Variants in ANO10 observed in about 807,000 individuals in gnomAD.
ANO10 encodes the protein anoctamin-10.
Under a neutral mutation model 74.7 loss-of-function variants are expected in ANO10, and 77 were observed. That is an observed-to-expected ratio of 1.03 (90% CI 0.86 to 1.25). ANO10 has a LOEUF of 1.25. ANO10 is among the 50% of genes most tolerant of loss of function. The probability of loss-of-function intolerance (pLI) is 0.00; values close to 1 mark genes in which losing one functional copy is unlikely to be tolerated. For missense variants in ANO10, 721 were observed against 778.1 expected (o/e 0.93, Z 0.87); for synonymous variants, 279 against 284.9 (o/e 0.98, Z 0.21).
chr3:43,554,194 T>C (rs1292288700), intron 10 of ANO10, among the ~76,000 whole-genome samples: 1 of 151,150 alleles, frequency 6.6e-6, no homozygotes, highest in African/African-American at 2.4e-5. Flanking sequence ...TTCTTTTTTT[T>C]TTTTTTTTTC....
At chr3:43,572,613 G>T (rs1275844616) in intron 7 of ANO10, among the ~76,000 whole-genome samples, 3 of 152,150 alleles carry the variant, frequency 2.0e-5, no homozygotes, top group Non-Finnish European at 2.9e-5. Context: ...GGGTGAAGGG[G>T]ATTACCAATC....
At position 43,432,703 on chromosome 3, in the gene ANO10, T is replaced by A. The variant is rs753843286; in HGVS notation, c.1822A>T (p.Ile608Leu). The part of the protein sequence containing the change: ...VEHALLALKF[I>L]LAFAIPDKPR... ...TTATCAGGTATGGCAAATGCAAGTA[T>A]AAACTTTAAAGCCAGGAGTGCGTGC... Residue 608 changes from isoleucine (I) to leucine (L), a missense_variant, in exon 12 of 13, where the codon ATA becomes TTA. Ile to Leu is a conservative substitution (Grantham distance 5). Coordinates refer to ENST00000292246, the MANE Select transcript of ANO10 (RefSeq NM_018075.5). The A allele has an allele frequency of 1.9e-6, 3 of 1,613,656 alleles. No individual in the cohort carries two copies. The East Asian group carries it at 6.7e-5, about 36-fold the overall frequency.
chr3:43,455,401 A>AGT (rs371131846), intron 11 of ANO10, among the ~76,000 whole-genome samples: 1 of 152,126 alleles, frequency 6.6e-6, no homozygotes, highest in African/African-American at 2.4e-5. Flanking sequence ...AAGACAGGTC[A>AGT]GTGGAGGAGA....
intron 12 of ANO10, among the ~76,000 whole-genome samples, chr3:43,413,331 A>C (rs2092693078): frequency 6.6e-6 from 1 of 152,064 alleles, no homozygotes; most frequent in Non-Finnish European, 1.5e-5. Flanking sequence ...CTTATGTTGA[A>C]TTGTAATCCT....
rs1415539766 is a variant in ANO10, at chr3:43,366,685, A to G, written c.*221T>C. On this transcript the variant is annotated 3_prime_UTR_variant, in exon 13 of 13. Coordinates refer to ENST00000292246, the MANE Select transcript of ANO10 (RefSeq NM_018075.5). ...TGTGGGGCCCGGGAAGGAACTGGGAAGGAGCAGACAGGGTGGGGCTGGGGG... is the reference window on the plus strand; with the variant it reads ...TGTGGGGCCCGGGAAGGAACTGGGAGGGAGCAGACAGGGTGGGGCTGGGGG... 7 of 604,690 alleles carry G rather than the reference A, an allele frequency of 1.2e-5. No homozygotes were observed. The highest frequency in any genetic ancestry group is 2.1e-5 in the Non-Finnish European group (7 of 337,734). The allele number at this position is 604,690 out of a possible 1,614,324, so 37.5% of individuals were successfully genotyped here. A position where few individuals can be genotyped will look rare whatever the true frequency, so the allele number is the denominator to read the frequency against.
chr3:43,600,620 T>C, intron 2 of ANO10, 39 bp from the exon 3 acceptor site: 3 of 1,532,804 alleles, frequency 2.0e-6, no homozygotes, highest in Non-Finnish European at 2.7e-6. Flanking sequence ...TAGACAAACA[T>C]AAAAGTTTCA....
chr3:43,678,870 G>C (rs112170195), intron 1 of ANO10, among the ~76,000 whole-genome samples: 1 of 152,148 alleles, frequency 6.6e-6, no homozygotes, highest in African/African-American at 2.4e-5. Flanking sequence ...AATTAAAAAA[G>C]GAGATATTAA....
upstream of ANO10, among the ~76,000 whole-genome samples, chr3:43,626,167 C>T (rs1428076492): frequency 6.6e-6 from 1 of 152,110 alleles, no homozygotes; most frequent in Non-Finnish European, 1.5e-5. Context: ...CTCTTGACCT[C>T]AAGTGACCCA....
At chr3:43,443,479 AC>A (rs1483182253) in intron 11 of ANO10, among the ~76,000 whole-genome samples, 1 of 152,008 alleles carries the variant, frequency 6.6e-6, no homozygotes, top group African/African-American at 2.4e-5. Context: ...GATCAGGGAG[AC>A]CTTGAGGCTC....
chr3:43,499,471 C>A (rs949824101), intron 11 of ANO10, among the ~76,000 whole-genome samples: 1 of 152,026 alleles, frequency 6.6e-6, no homozygotes, highest in African/African-American at 2.4e-5. Context: ...ACAGGAGGAG[C>A]ATTGAGCAGG....
At chr3:43,526,987 G>GTGTGT (rs11270846) in intron 11 of ANO10, among the ~76,000 whole-genome samples, 3 of 149,172 alleles carry the variant, frequency 2.0e-5, no homozygotes. Flanking sequence ...ACACACATAT[G>GTGTGT]GTACATACAA....
intron 12 of ANO10, among the ~76,000 whole-genome samples, chr3:43,423,813 C>A (rs1435353396): frequency 6.6e-6 from 1 of 152,170 alleles, no homozygotes. Context: ...CTGGCACATG[C>A]AAAAGGTTTA....
rs563282915 is a variant in ANO10, at chr3:43,685,546, G to C, written c.-12+5971C>G. Among the ~76,000 whole-genome samples the C allele has an allele frequency of 2.0e-4, 31 of 152,262 alleles. No individual in the cohort carries two copies. The East Asian group carries it at 5.0e-3, about 25-fold the overall frequency. On this transcript the variant is annotated intron_variant, in intron 1 of 3. Coordinates refer to the ANO10 transcript ENST00000413397. ...GCACATGAGAAAGGTCAGACCCCCA[G>C]AAGTTAAATTCCTGGGCCACAGAGT...
chr3:43,386,209 T>C (rs1171133264), intron 12 of ANO10, among the ~76,000 whole-genome samples: 1 of 152,140 alleles, frequency 6.6e-6, no homozygotes, highest in Non-Finnish European at 1.5e-5. Context: ...CATTTTTGTT[T>C]GAAGGAAGTG....
chr3:43,617,630 G>C (rs1037684734), intron 1 of ANO10, among the ~76,000 whole-genome samples: 2 of 152,182 alleles, frequency 1.3e-5, no homozygotes, highest in Non-Finnish European at 2.9e-5. Flanking sequence ...GGAGAGGTCA[G>C]GGGAGTGTGT....
At chr3:43,612,011 C>T (rs1045545596) in intron 1 of ANO10, among the ~76,000 whole-genome samples, 2 of 151,448 alleles carry the variant, frequency 1.3e-5, no homozygotes, top group Admixed American at 6.6e-5. Flanking sequence ...TTCCAGAATG[C>T]TTTCTTACCT....
intron 12 of ANO10, among the ~76,000 whole-genome samples, chr3:43,397,340 T>C (rs1399002030): frequency 1.3e-5 from 2 of 152,220 alleles, no homozygotes; most frequent in African/African-American, 4.8e-5. Context: ...TTAACGCCCT[T>C]GCTTGCTAAT....
At chr3:43,395,004 T>C (rs998576167) in intron 12 of ANO10, among the ~76,000 whole-genome samples, 2 of 152,110 alleles carry the variant, frequency 1.3e-5, no homozygotes, top group African/African-American at 4.8e-5. Flanking sequence ...CTGGACTCTT[T>C]TGCTGCTTGG....
rs113754689 is a variant in ANO10 at position 43,580,022 on chromosome 3, GT to G, written c.592+330del. Among the ~76,000 whole-genome samples, 2,704 of 151,828 alleles carry G rather than the reference GT, an allele frequency of 0.018. 72 individuals are homozygous for G. Among genetic ancestry groups the G allele is most frequent in the African/African-American group, 0.061 (2,506 of 41,374 alleles). The stretch of plus-strand genomic sequence containing the variant: ...TAGCTGGGGATGGTGGTGCACGCCT[GT>G]GATCTCAGCTACTCAGAAGGCTGAG... On this transcript the variant is annotated intron_variant, in intron 5 of 12. Transcript: ENST00000292246.
Sources: allele counts gnomAD v4.1 joint callset (sites outside exome capture counted in the v4.1 genomes callset), GRCh38; gene constraint gnomAD v4.1.1; transcripts MANE v1.5; gene names NCBI Gene and HGNC (gene_info 2026-07-23, HGNC 2026-07-21).